Variants in ITGA6 observed in about 807,000 individuals in gnomAD.
ITGA6 encodes the protein integrin alpha-6.
A neutral mutation model predicts 133.6 loss-of-function variants in ITGA6; 63 were observed. The ratio of observed to expected loss-of-function variants is 0.47; its 90% CI spans 0.38 to 0.58. ITGA6 has a LOEUF of 0.58. ITGA6 is among the 20% of genes least tolerant of loss of function. The pLI is 0.00. For synonymous variants in ITGA6, 434 were observed against 482.0 expected, an observed-to-expected ratio of 0.90 and a Z score of 1.30; for missense variants, 1,068 against 1,309.4, an observed-to-expected ratio of 0.82 and a Z score of 2.85.
Position 172,498,033 on chromosome 2 carries a change from G to T in ITGA6, c.3047G>T (p.Trp1016Leu). 6.2e-7 allele frequency: 1 copy of T among 1,613,554 alleles called. No homozygotes were observed. Among genetic ancestry groups the T allele is most frequent in the Non-Finnish European group, 8.5e-7 (1 of 1,179,502 alleles). ...TVAQYSGVPW[W>L]IILVAILAGI... ...GCTCAGTATTCGGGAGTACCTTGGT[G>T]GATCATCCTAGTGGCTATTCTCGCT... The change falls in exon 24 of 26, where the codon TGG becomes TTG. Residue 1016 changes from tryptophan to leucine, a missense_variant. Physicochemically the swap from Trp to Leu is moderately conservative, Grantham distance 61 (BLOSUM62 -2). Around this residue, in one of 3 missense-constraint regions of ITGA6, gnomAD observed 609 missense variants for 707.2 expected, o/e 0.86. Coordinates refer to ENST00000684293, the MANE Select transcript of ITGA6 (RefSeq NM_000210.4).
chr2:172,480,188 T>C, intron 11 of ITGA6, 137 bp downstream of exon 11: 1 of 692,604 alleles, frequency 1.4e-6, no homozygotes, highest in South Asian at 1.5e-5. Context: ...AGTGTATGTT[T>C]TGTCTCCCTT....
intron 7 of ITGA6, 115 bp from the exon 8 acceptor site, chr2:172,475,482 C>A (rs370135211): frequency 9.4e-4 from 703 of 745,222 alleles, no homozygotes; most frequent in Middle Eastern, 1.5e-3. Context: ...CAAAAAAAAA[C>A]CCCGAAAAAG....
chr2:172,480,564 C>T (rs1306851192), intron 11 of ITGA6, among the ~76,000 whole-genome samples: 3 of 152,066 alleles, frequency 2.0e-5, no homozygotes, highest in African/African-American at 4.8e-5. Flanking sequence ...ATTTGCAAGC[C>T]GGCCCTGAGA....
chr2:172,444,163 G>T (rs572599279), intron 1 of ITGA6, among the ~76,000 whole-genome samples: 22 of 152,292 alleles, frequency 1.4e-4, no homozygotes, highest in African/African-American at 5.1e-4. Flanking sequence ...CAGCTAACGG[G>T]TGGTACTGCC....
Position 172,469,291 on chromosome 2 carries a change from T to C in ITGA6, c.554T>C (p.Phe185Ser), listed in dbSNP as rs1440679126. 1.9e-6 allele frequency: 3 copies of C among 1,614,030 alleles called. No individual in the cohort carries two copies. In the African/African-American group the frequency reaches 4.0e-5, roughly 22 times the overall value. ...CDGRLRGHEK[F>S]GSCQQGVAAT... Reference sequence around the variant, plus strand: ...GGGCGATTGAGAGGCCATGAGAAATTTGGCTCTTGCCAGCAAGGTGTAGCA... The same window carrying C: ...GGGCGATTGAGAGGCCATGAGAAATCTGGCTCTTGCCAGCAAGGTGTAGCA... Residue 185 changes from phenylalanine to serine, a missense_variant, in exon 4 of 26, where the codon TTT (phenylalanine) becomes TCT (serine). Around this residue, in one of 3 missense-constraint regions of ITGA6, gnomAD observed 317 missense variants for 456.9 expected, o/e 0.69. Coordinates refer to ENST00000684293, the MANE Select transcript of ITGA6 (RefSeq NM_000210.4).
chr2:172,469,044 T>G, intron 3 of ITGA6, 81 bp from the exon 4 acceptor site: 3 of 1,443,066 alleles, frequency 2.1e-6, no homozygotes, highest in Non-Finnish European at 1.9e-6. Context: ...AACCTCTGTA[T>G]TGACCATTTT....
At chr2:172,490,665 A>G (rs570755809) in intron 20 of ITGA6, 6 of 284,442 alleles carry the variant, frequency 2.1e-5, no homozygotes, top group Non-Finnish European at 4.1e-5. Flanking sequence ...GCTGACTACC[A>G]TGTTTTAGGA....
chr2:172,465,620 C>G lies in ITGA6; in HGVS notation c.264C>G (p.Ile88Met), dbSNP rs1315433275. 1.9e-6 allele frequency: 3 copies of G among 1,614,254 alleles called. No individual in the cohort carries two copies. The highest frequency in any genetic ancestry group is 2.5e-6 in the Non-Finnish European group (3 of 1,180,044). Residue 88 changes from isoleucine (I) to methionine (M), a missense_variant, in exon 2 of 26, where the codon ATC becomes ATG. Around this residue, in one of 3 missense-constraint regions of ITGA6, gnomAD observed 142 missense variants for 145.3 expected, o/e 0.98. Coordinates refer to ENST00000684293, the MANE Select transcript of ITGA6 (RefSeq NM_000210.4). ...CGGGAGGGCTGTACAGCTGCGACAT[C>G]ACCGCCCGGGGGCCATGCACGCGGA... ...NRTGGLYSCDITARGPCTRIE... is the reference protein window; with the variant it reads ...NRTGGLYSCDMTARGPCTRIE...
Position 172,487,463 on chromosome 2 carries a change from G to T in ITGA6, c.2160+10G>T, listed in dbSNP as rs765031377. 1 of 1,613,138 alleles carries T rather than the reference G, an allele frequency of 6.2e-7. No homozygotes were observed. The highest frequency in any genetic ancestry group is 1.1e-5 in the South Asian group (1 of 91,058). On this transcript the variant is annotated intron_variant, in intron 15 of 25. Transcript: ENST00000684293. ...ACTGAGGGCTTTCCCTGTAAGTATT[G>T]TTAGAGACCAGCTGAGAGGGGAAAA...
chr2:172,481,641 C>CTG (rs1341034639), intron 11 of ITGA6, among the ~76,000 whole-genome samples: 1 of 152,172 alleles, frequency 6.6e-6, no homozygotes, highest in Non-Finnish European at 1.5e-5. Context: ...GTCTCCCCTT[C>CTG]TGTGGGGTCG....
At chr2:172,480,773 T>G (rs1686408387) in intron 11 of ITGA6, 1 of 152,224 alleles carries the variant, frequency 6.6e-6, no homozygotes, top group African/African-American at 2.4e-5. Flanking sequence ...TTCTGCTTCC[T>G]TTTTTTGTAA....
intron 24 of ITGA6, among the ~76,000 whole-genome samples, chr2:172,500,250 A>T (rs1254277507): frequency 6.6e-6 from 1 of 152,230 alleles, no homozygotes; most frequent in East Asian, 1.9e-4. Flanking sequence ...GTGAAAAAAA[A>T]AAAAGTCCCT....
intron 24 of ITGA6, among the ~76,000 whole-genome samples, chr2:172,499,873 G>C (rs745495872): frequency 6.6e-6 from 1 of 152,008 alleles, no homozygotes; most frequent in African/African-American, 2.4e-5. Flanking sequence ...TGTTTGCCTC[G>C]TCTGTTAAAT....
intron 1 of ITGA6, 105 bp downstream of exon 1, chr2:172,428,075 T>C: frequency 1.6e-6 from 2 of 1,218,564 alleles, no homozygotes; most frequent in Non-Finnish European, 2.2e-6. Flanking sequence ...AGTTGGCCCG[T>C]GGGTCGCGCC....
At chr2:172,431,752 G>C (rs930495204) in intron 1 of ITGA6, among the ~76,000 whole-genome samples, 14 of 152,302 alleles carry the variant, frequency 9.2e-5, no homozygotes, top group Admixed American at 9.1e-4. Context: ...GAGACTTACA[G>C]GAAGTCTTAG....
At chr2:172,448,516 T>C (rs1410750392) in intron 1 of ITGA6, among the ~76,000 whole-genome samples, 1 of 152,246 alleles carries the variant, frequency 6.6e-6, no homozygotes, top group Admixed American at 6.5e-5. Flanking sequence ...TCTCATGTTA[T>C]TAGGCAGAGT....
intron 1 of ITGA6, among the ~76,000 whole-genome samples, chr2:172,444,567 T>C (rs910672212): frequency 2.0e-5 from 3 of 151,662 alleles, no homozygotes; most frequent in African/African-American, 7.3e-5. Context: ...TAAGTATTAA[T>C]GCAAATATTC....
intron 11 of ITGA6, among the ~76,000 whole-genome samples, chr2:172,483,911 A>G (rs1394308406): frequency 6.6e-6 from 1 of 152,122 alleles, no homozygotes; most frequent in African/African-American, 2.4e-5. Flanking sequence ...CCTGGGTTCA[A>G]GCGATTCTCC....
At chr2:172,471,325 AGAAACCTC>A (rs1685925981) in intron 5 of ITGA6, among the ~76,000 whole-genome samples, 1 of 152,194 alleles carries the variant, frequency 6.6e-6, no homozygotes, top group Non-Finnish European at 1.5e-5. Context: ...CAAAGGGGGA[AGAAACCTC>A]TTATCACCTA....
Sources: gnomAD v4.1 joint callset for allele counts (sites outside exome capture counted in the v4.1 genomes callset) on GRCh38, gnomAD v4.1.1 for gene constraint, gnomAD v4.1.1 regional missense constraint, MANE v1.5 for transcripts, NCBI Gene and HGNC (gene_info 2026-07-23, HGNC 2026-07-21) for gene names.